MYO1F: variants seen among roughly 807,000 people sequenced by gnomAD.
MYO1F encodes myosin IF, also known as unconventional myosin-If.
In MYO1F, 60 loss-of-function variants were observed where a neutral mutation model predicts 146.6. The observed-to-expected ratio is 0.41, with a 90% confidence interval of 0.33 to 0.51. The LOEUF is 0.51. MYO1F is among the 20% of genes least tolerant of loss of function. The pLI is 0.25. For synonymous variants in MYO1F, 602 were observed against 602.1 expected (o/e 1.00, Z 0.00); for missense variants, 1,274 against 1,534.3 (o/e 0.83, Z 2.83).
At chr19:8,534,177 TAAA>T (rs376071903) in intron 19 of MYO1F, among the ~76,000 whole-genome samples, 1 of 134,148 alleles carries the variant, frequency 7.5e-6, no homozygotes, top group Admixed American at 7.6e-5. Flanking sequence ...AGACTCTGTC[TAAA>T]AAAAAAAAAA....
intron 12 of MYO1F, among the ~76,000 whole-genome samples, chr19:8,547,549 A>C (rs1457911911): frequency 6.7e-6 from 1 of 150,174 alleles, no homozygotes; most frequent in Non-Finnish European, 1.5e-5. Context: ...GGTTGCAGTG[A>C]GCCGAGATCA....
chr19:8,529,264 G>C (rs1055538799), intron 21 of MYO1F, among the ~76,000 whole-genome samples: 5 of 152,096 alleles, frequency 3.3e-5, no homozygotes, highest in Non-Finnish European at 5.9e-5. Context: ...TGAGTTACTG[G>C]GCTAGGTGAC....
intron 8 of MYO1F, 56 bp downstream of exon 8, chr19:8,551,684 G>A: frequency 1.9e-6 from 3 of 1,613,476 alleles, no homozygotes; most frequent in Non-Finnish European, 2.5e-6. Context: ...AACTCAGGAG[G>A]GTTTCTGGGG....
chr19:8,540,461 G>A (rs1030579099), intron 15 of MYO1F: 4 of 152,344 alleles, frequency 2.6e-5, no homozygotes, highest in Admixed American at 2.6e-4. Flanking sequence ...TGTAATCCCA[G>A]CACTTTGGGA....
At chr19:8,536,135 A>G (rs1190279561) in intron 19 of MYO1F, 117 bp downstream of exon 19, 4 of 1,275,952 alleles carry the variant, frequency 3.1e-6, no homozygotes, top group Middle Eastern at 2.0e-4. Flanking sequence ...TTCTCAATCT[A>G]TCAGTCTTTC....
intron 19 of MYO1F, among the ~76,000 whole-genome samples, chr19:8,533,771 T>C (rs933357026): frequency 2.0e-5 from 3 of 152,052 alleles, no homozygotes; most frequent in Non-Finnish European, 4.4e-5. Context: ...AGCCATGGAG[T>C]TTGTGGAACT....
In MYO1F at chr19:8,534,342, T is replaced by C. The variant is rs556019447; in HGVS notation, c.2043+1910A>G. Among the ~76,000 whole-genome samples, 13 of 152,154 alleles carry C rather than the reference T, an allele frequency of 8.5e-5. No homozygotes were observed. The South Asian group carries it at 2.7e-3, about 32-fold the overall frequency. On this transcript the variant is annotated intron_variant, in intron 19 of 27. Coordinates refer to ENST00000644032, the MANE Select transcript of MYO1F (RefSeq NM_012335.4). ...CTTTTCTTTTTTTCAGAGTCTCACT[T>C]TGTCCCCCAGGCTGGAGTGCAGTGG...
chr19:8,567,548 G>A (rs2042026869), intron 1 of MYO1F, among the ~76,000 whole-genome samples: 1 of 152,152 alleles, frequency 6.6e-6, no homozygotes, highest in Non-Finnish European at 1.5e-5. Flanking sequence ...GTAGAGACAA[G>A]GTTTTACCGC....
Position 8,551,881 on chromosome 19 carries a change from G to A in MYO1F, c.637-7C>T. 6.2e-7 allele frequency: 1 copy of A among 1,614,018 alleles called. No individual in the cohort carries two copies. Among genetic ancestry groups the A allele is most frequent in the Non-Finnish European group, 8.5e-7 (1 of 1,179,994 alleles). The stretch of plus-strand genomic sequence containing the variant: ...GGGAGGCCCCTTCCAGCAGCTGGAG[G>A]GTGTGCCATGTTCATGCATCTGGTG... On this transcript the variant is annotated splice_polypyrimidine_tract_variant and splice_region_variant and intron_variant, in intron 7 of 27. Coordinates refer to ENST00000644032, the MANE Select transcript of MYO1F (RefSeq NM_012335.4).
chr19:8,528,698 G>A (rs1188526917), intron 21 of MYO1F, among the ~76,000 whole-genome samples: 3 of 152,182 alleles, frequency 2.0e-5, no homozygotes, highest in African/African-American at 4.8e-5. Context: ...ATGGGTTCCC[G>A]GGCCAGATGA....
chr19:8,536,909 C>T (rs1972747495), intron 17 of MYO1F, 40 bp downstream of exon 17: 1 of 1,464,290 alleles, frequency 6.8e-7, no homozygotes, highest in Non-Finnish European at 9.4e-7. Context: ...AACTGCAGGG[C>T]CTGGGGGGAA....
At chr19:8,569,358 G>T (rs767433172) in intron 1 of MYO1F, among the ~76,000 whole-genome samples, 1 of 152,036 alleles carries the variant, frequency 6.6e-6, no homozygotes, top group Admixed American at 6.6e-5. Flanking sequence ...TAGGAAGGAC[G>T]GGTAGCTTCT....
Position 8,522,761 on chromosome 19 carries a change from C to A in MYO1F, c.2923G>T (p.Gly975Trp). 1 of 1,610,216 alleles carries A rather than the reference C, an allele frequency of 6.2e-7. No homozygotes were observed. Among genetic ancestry groups the A allele is most frequent in the Non-Finnish European group, 8.5e-7 (1 of 1,179,024 alleles). The change falls in exon 26 of 28, where the codon GGG (glycine) becomes TGG (tryptophan). Residue 975 changes from glycine to tryptophan, a missense_variant. This residue lies in a region of MYO1F where 374 missense variants were observed against 379.2 expected (regional missense o/e 0.99). Transcript: ENST00000644032. ...GPLPLEIMSG[G>W]GTHRPPRGPP... The stretch of plus-strand genomic sequence containing the variant: ...CCCCGGGGAGGCCTGTGGGTGCCCC[C>A]TCCAGACATGATCTCCAGGGGCAGG...
chr19:8,556,910 A>AT (rs1973885282), intron 1 of MYO1F, among the ~76,000 whole-genome samples: 2 of 146,018 alleles, frequency 1.4e-5, no homozygotes, highest in Non-Finnish European at 3.0e-5. Context: ...AAAAAAAAAA[A>AT]GGAAGCCAAT....
At chr19:8,527,150 G>A (rs1972305405) in intron 22 of MYO1F, among the ~76,000 whole-genome samples, 188 bp downstream of exon 22, 1 of 152,108 alleles carries the variant, frequency 6.6e-6, no homozygotes, top group African/African-American at 2.4e-5. Flanking sequence ...GTAAGGTGCA[G>A]GACGGAAGGA....
At chr19:8,566,414 G>A (rs1049586588) in intron 1 of MYO1F, among the ~76,000 whole-genome samples, 3 of 151,668 alleles carry the variant, frequency 2.0e-5, no homozygotes, top group African/African-American at 4.8e-5. Flanking sequence ...TGATCCACCC[G>A]CCTCGGCCTC....
chr19:8,559,292 C>T (rs1277768697), intron 1 of MYO1F, among the ~76,000 whole-genome samples: 1 of 128,134 alleles, frequency 7.8e-6, no homozygotes, highest in Non-Finnish European at 1.5e-5. Context: ...TGGAGCCAGT[C>T]TCTCCTGGGG....
In MYO1F at chr19:8,544,453, G is replaced by A. The variant is rs780999117; in HGVS notation, c.1368C>T (p.Gly456=). The A allele has an allele frequency of 3.6e-5, 58 of 1,610,234 alleles. No individual in the cohort carries two copies. The Admixed American group carries it at 9.0e-4, about 25-fold the overall frequency. Residue 456 remains glycine (G), a synonymous_variant, in exon 14 of 28, where the codon GGC becomes GGT. Coordinates refer to ENST00000644032, the MANE Select transcript of MYO1F (RefSeq NM_012335.4). ...DLIENKLSPP[G]IMSVLDDVCA... ...ACACGTCGTCCAAGACGCTCATGAT[G>A]CCTGGGGGGCTCTGCGGGGCGAGCG...
At chr19:8,534,681 A>G (rs1175495521) in intron 19 of MYO1F, among the ~76,000 whole-genome samples, 7 of 151,190 alleles carry the variant, frequency 4.6e-5, no homozygotes, top group African/African-American at 1.2e-4. Flanking sequence ...GCTAGAGTGC[A>G]GTGGTGCGAT....
Sources: allele counts gnomAD v4.1 joint callset (sites outside exome capture counted in the v4.1 genomes callset), GRCh38; gene constraint gnomAD v4.1.1; regional missense constraint gnomAD v4.1.1; transcripts MANE v1.5; gene names NCBI Gene and HGNC (gene_info 2026-07-23, HGNC 2026-07-21).